The following NRXN3 variants were observed in gnomAD, a reference collection of about 807,000 sequenced individuals.
NRXN3 encodes neurexin 3.
NRXN3 carries 32 observed loss-of-function variants against 137.6 expected under a neutral mutation model. The observed-to-expected ratio is 0.23, with a 90% confidence interval of 0.18 to 0.31. The LOEUF is 0.31. Among genes scored for constraint, NRXN3 ranks in the 10% least tolerant of loss-of-function variants. NRXN3 has a pLI of 1.00. For missense variants in NRXN3, 1,574 were observed against 2,062.5 expected (o/e 0.76, Z 4.59); for synonymous variants, 798 against 784.5 (o/e 1.02, Z -0.29).
intron 4 of NRXN3, among the ~76,000 whole-genome samples, chr14:78,465,839 A>T (rs1288054896): frequency 2.1e-5 from 3 of 146,098 alleles, no homozygotes; most frequent in African/African-American, 7.7e-5. Flanking sequence ...GGCCTAAGGT[A>T]TTTTTTTAAA....
chr14:78,776,425 C>T lies in NRXN3; in HGVS notation c.2045-27195C>T, dbSNP rs974074578. ...ATGGTCTCGTAATTTTGTATAAACC[C>T]GAGCAGATAATAGTATTGGGGGATA... On this transcript the variant is annotated intron_variant, in intron 8 of 20. Coordinates refer to ENST00000335750, the MANE Select transcript of NRXN3 (RefSeq NM_001330195.2). Among the ~76,000 whole-genome samples the T allele has an allele frequency of 5.3e-5, 8 of 151,840 alleles. 1 individual carries two copies. In the South Asian group the frequency reaches 1.0e-3, roughly 20 times the overall value.
chr14:78,831,392 C>T (rs1393860422), intron 10 of NRXN3, among the ~76,000 whole-genome samples: 5 of 151,708 alleles, frequency 3.3e-5, no homozygotes, highest in South Asian at 2.1e-4. Context: ...AAAAATTAGC[C>T]GGGCGTGGTT....
intron 17 of NRXN3, among the ~76,000 whole-genome samples, chr14:79,668,054 G>C (rs1040576080): frequency 1.3e-5 from 2 of 151,962 alleles, no homozygotes; most frequent in South Asian, 4.2e-4. Flanking sequence ...AGGAGAGCAG[G>C]GCATACCAAC....
At chr14:79,660,683 C>G (rs1436277588) in intron 16 of NRXN3, among the ~76,000 whole-genome samples, 1 of 152,160 alleles carries the variant, frequency 6.6e-6, no homozygotes, top group African/African-American at 2.4e-5. Context: ...CTTTAAAGGT[C>G]TCCATGCTTC....
At chr14:78,745,442 T>A (rs1317929429) in intron 8 of NRXN3, 3 of 152,270 alleles carry the variant, frequency 2.0e-5, no homozygotes, top group Non-Finnish European at 4.4e-5. Context: ...CATACATTAA[T>A]GCCTTCCATA....
At chr14:78,274,373 G>A (rs1456048934) in intron 2 of NRXN3, among the ~76,000 whole-genome samples, 1 of 152,290 alleles carries the variant, frequency 6.6e-6, no homozygotes, top group East Asian at 1.9e-4. Context: ...GAAGTGCTGA[G>A]CAAAAGGGGG....
At chr14:79,747,267 G>A (rs2098982597) in intron 19 of NRXN3, among the ~76,000 whole-genome samples, 1 of 152,030 alleles carries the variant, frequency 6.6e-6, no homozygotes, top group Non-Finnish European at 1.5e-5. Context: ...TCTGCCACTA[G>A]GATTTTACTT....
chr14:78,661,046 T>G (rs938831501), intron 6 of NRXN3, among the ~76,000 whole-genome samples: 1 of 152,338 alleles, frequency 6.6e-6, no homozygotes, highest in African/African-American at 2.4e-5. Context: ...TAGTTGGTGG[T>G]TTTTGAGGAA....
intron 15 of NRXN3, among the ~76,000 whole-genome samples, chr14:79,025,216 G>C (rs1595061358): frequency 6.6e-6 from 1 of 152,048 alleles, no homozygotes; most frequent in East Asian, 1.9e-4. Flanking sequence ...CTAGACTGCT[G>C]TTCTTTTCTG....
At chr14:78,692,730 G>T (rs1315437327) in intron 6 of NRXN3, among the ~76,000 whole-genome samples, 4 of 152,178 alleles carry the variant, frequency 2.6e-5, no homozygotes, top group African/African-American at 9.7e-5. Flanking sequence ...TCTGTAAAAT[G>T]AGATAATTAT....
Position 79,366,900 on chromosome 14 carries a change from A to G in NRXN3, c.3263-100321A>G, listed in dbSNP as rs111644796. 5.9e-4 allele frequency among the ~76,000 whole-genome samples: 90 copies of G among 152,266 alleles called. 1 individual carries two copies. The highest frequency in any genetic ancestry group is 2.1e-3 in the African/African-American group (86 of 41,568). ...TTAAAAACACAGAAATAGCTTCTCA[A>G]TAACTGAATCAGTAATCCATTTTTA... On this transcript the variant is annotated intron_variant, in intron 15 of 20. Coordinates refer to ENST00000335750, the MANE Select transcript of NRXN3 (RefSeq NM_001330195.2).
At chr14:79,565,859 G>C (rs1010966724) in intron 16 of NRXN3, among the ~76,000 whole-genome samples, 13 of 152,040 alleles carry the variant, frequency 8.6e-5, no homozygotes, top group Admixed American at 5.9e-4. Context: ...ATATCAGCGT[G>C]AATTACTTGC....
chr14:79,074,948 C>T (rs1351598970), intron 15 of NRXN3, among the ~76,000 whole-genome samples: 2 of 152,186 alleles, frequency 1.3e-5, no homozygotes, highest in Non-Finnish European at 2.9e-5. Flanking sequence ...GGGCACACTC[C>T]AGCCTCTGCT....
chr14:79,069,720 AT>A (rs1355848931), intron 15 of NRXN3, among the ~76,000 whole-genome samples: 1 of 152,102 alleles, frequency 6.6e-6, no homozygotes. Context: ...TGGTGATTAT[AT>A]TGTGACACAC....
chr14:79,769,720 G>A (rs1231337881), intron 19 of NRXN3, among the ~76,000 whole-genome samples: 4 of 151,544 alleles, frequency 2.6e-5, no homozygotes, highest in South Asian at 2.1e-4. Context: ...ATCAACTAAC[G>A]AGCAAAATAA....
At chr14:78,209,783 C>T (rs1264794400) in intron 1 of NRXN3, among the ~76,000 whole-genome samples, 1 of 152,200 alleles carries the variant, frequency 6.6e-6, no homozygotes, top group East Asian at 1.9e-4. Context: ...TATCATGTAC[C>T]TTGCTGAGAA....
At position 79,727,049 on chromosome 14, in the gene NRXN3, G is replaced by T. The variant is rs187474078; in HGVS notation, c.4014+29112G>T. Among the ~76,000 whole-genome samples, 3 of 152,266 alleles carry T rather than the reference G, an allele frequency of 2.0e-5. 1 individual carries two copies. The highest frequency in any genetic ancestry group is 4.4e-5 in the Non-Finnish European group (3 of 68,022). On this transcript the variant is annotated intron_variant, in intron 19 of 20. Transcript: ENST00000335750. ...GCAGGGTAGGTGTTCAGTAAATGTT[G>T]CTGGTATTATTTTTGCTAGTGATAA... is the stretch of plus-strand genomic sequence containing the variant.
chr14:79,204,012 T>C (rs1334650596), intron 15 of NRXN3, among the ~76,000 whole-genome samples: 1 of 151,934 alleles, frequency 6.6e-6, no homozygotes, highest in Non-Finnish European at 1.5e-5. Flanking sequence ...AAAGGCAGAG[T>C]TGGGTAGCGA....
At chr14:78,801,139 A>G (rs570350649) in intron 8 of NRXN3, among the ~76,000 whole-genome samples, 98 of 152,074 alleles carry the variant, frequency 6.4e-4, no homozygotes, top group Non-Finnish European at 1.0e-3. Context: ...GGCTAACACG[A>G]TGAAACCCTA....
Sources: allele counts gnomAD v4.1 joint callset (sites outside exome capture counted in the v4.1 genomes callset), GRCh38; gene constraint gnomAD v4.1.1; transcripts MANE v1.5; gene names NCBI Gene and HGNC (gene_info 2026-07-23, HGNC 2026-07-21).